AGBL4: variants seen among roughly 807,000 people sequenced by gnomAD.
AGBL4 encodes the protein cytosolic carboxypeptidase 6.
Under a neutral mutation model 66.4 loss-of-function variants are expected in AGBL4, and 58 were observed. The ratio of observed to expected loss-of-function variants is 0.87; its 90% CI spans 0.71 to 1.09. AGBL4 has a LOEUF of 1.09. AGBL4 is among the 50% of genes least tolerant of loss of function. AGBL4 has a pLI of 0.00. For missense variants in AGBL4, 579 were observed against 631.0 expected, an observed-to-expected ratio of 0.92 and a Z score of 0.88; for synonymous variants, 234 against 222.9, an observed-to-expected ratio of 1.05 and a Z score of -0.44.
chr1:49,741,084 A>C (rs1650411115), intron 2 of AGBL4, among the ~76,000 whole-genome samples: 2 of 152,126 alleles, frequency 1.3e-5, no homozygotes, highest in South Asian at 2.1e-4. Flanking sequence ...ACATAAAAAA[A>C]CCCTTCAAAA....
At chr1:48,802,409 T>C (rs1645830868) in intron 6 of AGBL4, among the ~76,000 whole-genome samples, 1 of 100,256 alleles carries the variant, frequency 1.0e-5, no homozygotes, top group African/African-American at 2.9e-5. Context: ...AATTGGGACA[T>C]CTTATTTATG....
intron 4 of AGBL4, among the ~76,000 whole-genome samples, chr1:49,059,577 C>T (rs897695744): frequency 6.6e-6 from 1 of 152,224 alleles, no homozygotes; most frequent in Non-Finnish European, 1.5e-5. Flanking sequence ...GGCCACCATC[C>T]TCCAGACTCC....
At chr1:48,727,826 T>A in intron 6 of AGBL4, 1 of 1,498,128 alleles carries the variant, frequency 6.7e-7, no homozygotes, top group Non-Finnish European at 9.2e-7. Context: ...GACGGCACCA[T>A]CGCTCGCAAA....
chr1:49,936,285 G>GA (rs1398214096), intron 1 of AGBL4, among the ~76,000 whole-genome samples: 2 of 152,064 alleles, frequency 1.3e-5, no homozygotes, highest in Non-Finnish European at 1.5e-5. Flanking sequence ...GAAGTTTAGA[G>GA]AAAAAAGAAT....
intron 4 of AGBL4, among the ~76,000 whole-genome samples, chr1:49,150,865 A>G (rs1646314159): frequency 6.6e-6 from 1 of 152,102 alleles, no homozygotes; most frequent in Non-Finnish European, 1.5e-5. Context: ...TCAGTTCTAC[A>G]CTCCAGTGAT....
At chr1:49,958,488 T>C (rs2148338090) in intron 1 of AGBL4, among the ~76,000 whole-genome samples, 1 of 152,070 alleles carries the variant, frequency 6.6e-6, no homozygotes, top group South Asian at 2.1e-4. Flanking sequence ...ATGTGGCACA[T>C]ATACACCATG....
chr1:48,789,685 A>G (rs1490369574), intron 6 of AGBL4, among the ~76,000 whole-genome samples: 1 of 152,164 alleles, frequency 6.6e-6, no homozygotes, highest in Non-Finnish European at 1.5e-5. Flanking sequence ...AGATGTAAAG[A>G]AGACTTTATG....
chr1:49,768,012 A>AAAAAC (rs1370762746), intron 2 of AGBL4, among the ~76,000 whole-genome samples: 2 of 151,922 alleles, frequency 1.3e-5, no homozygotes, highest in Non-Finnish European at 2.9e-5. Flanking sequence ...CTCAAAGAAA[A>AAAAAC]AAAACAAAAC....
chr1:49,846,420 G>C, intron 2 of AGBL4: 1 of 1,507,406 alleles, frequency 6.6e-7, no homozygotes, highest in African/African-American at 1.4e-5. Context: ...ACATGTGCTG[G>C]GGACATAGGA....
At chr1:49,417,473 G>A (rs1645451592) in intron 3 of AGBL4, among the ~76,000 whole-genome samples, 1 of 152,034 alleles carries the variant, frequency 6.6e-6, no homozygotes. Flanking sequence ...TTCATATAAG[G>A]GAGAAGGAGA....
At chr1:49,586,939 C>T (rs944968992) in intron 3 of AGBL4, among the ~76,000 whole-genome samples, 44 of 152,166 alleles carry the variant, frequency 2.9e-4, no homozygotes, top group African/African-American at 8.2e-4. Context: ...CTTTTCCTCC[C>T]TCCTCCTCCC....
intron 1 of AGBL4, among the ~76,000 whole-genome samples, chr1:49,948,795 C>T (rs999200472): frequency 6.6e-6 from 1 of 151,102 alleles, no homozygotes; most frequent in Non-Finnish European, 1.5e-5. Context: ...GTGCAATTCC[C>T]ATCAAAATAT....
intron 3 of AGBL4, among the ~76,000 whole-genome samples, chr1:49,281,173 G>T (rs1644264830): frequency 6.6e-6 from 1 of 152,104 alleles, no homozygotes. Context: ...TTCTTGTTTT[G>T]GTCACTTTCA....
chr1:50,012,884 T>C (rs1033654664), intron 1 of AGBL4, among the ~76,000 whole-genome samples: 1 of 152,226 alleles, frequency 6.6e-6, no homozygotes, highest in Non-Finnish European at 1.5e-5. Flanking sequence ...TGAAACCACG[T>C]TGATCGTAAG....
intron 3 of AGBL4, among the ~76,000 whole-genome samples, chr1:49,549,541 A>G (rs546329808): frequency 1.3e-5 from 2 of 152,092 alleles, no homozygotes; most frequent in African/African-American, 2.4e-5. Context: ...TTTTGACCCA[A>G]TGCTCATTCA....
chr1:49,472,980 T>C (rs1646775223), intron 3 of AGBL4, among the ~76,000 whole-genome samples: 1 of 152,030 alleles, frequency 6.6e-6, no homozygotes, highest in South Asian at 2.1e-4. Flanking sequence ...GCATCCATGT[T>C]GCGGCAAAGA....
intron 2 of AGBL4, chr1:49,845,800 C>G (rs1401352172): frequency 1.3e-6 from 2 of 1,554,266 alleles, no homozygotes; most frequent in Non-Finnish European, 1.8e-6. Flanking sequence ...ACTTAGCCAG[C>G]AGGAGCGGAT....
In AGBL4 at chr1:48,952,943, G is replaced by A. The variant is rs533722717; in HGVS notation, c.595-85713C>T. Among the ~76,000 whole-genome samples the A allele has an allele frequency of 2.4e-4, 36 of 152,064 alleles. 1 individual carries two copies. The South Asian group carries it at 7.5e-3, about 32-fold the overall frequency. On this transcript the variant is annotated intron_variant, in intron 5 of 13. Coordinates refer to ENST00000371839, the MANE Select transcript of AGBL4 (RefSeq NM_032785.4). ...CCAAAACAATTCTTCTCCTTCCAAT[G>A]TGGCCCAGGAAGCCAAAATACTGAA...
chr1:49,706,388 G>A (rs935406378), intron 2 of AGBL4, among the ~76,000 whole-genome samples: 1 of 151,950 alleles, frequency 6.6e-6, no homozygotes, highest in African/African-American at 2.4e-5. Flanking sequence ...TGGGGTCAGT[G>A]GTGATATCCC....
Sources: allele counts gnomAD v4.1 joint callset (sites outside exome capture counted in the v4.1 genomes callset), GRCh38; gene constraint gnomAD v4.1.1; transcripts MANE v1.5; gene names NCBI Gene and HGNC (gene_info 2026-07-23, HGNC 2026-07-21).